GRM8: variants seen among roughly 807,000 people sequenced by gnomAD.
The protein encoded by GRM8 is glutamate metabotropic receptor 8, also known as metabotropic glutamate receptor 8.
Under a neutral mutation model 87.2 loss-of-function variants are expected in GRM8, and 47 were observed. The ratio of observed to expected loss-of-function variants is 0.54; its 90% CI spans 0.43 to 0.69. The LOEUF is 0.69. Among genes scored for constraint, GRM8 ranks in the 30% least tolerant of loss-of-function variants. The pLI is 0.00. For synonymous variants in GRM8, 396 were observed against 404.5 expected (o/e 0.98, Z 0.25); for missense variants, 1,019 against 1,139.2 (o/e 0.89, Z 1.52).
At chr7:126,686,303 A>G (rs552147181) in intron 7 of GRM8, among the ~76,000 whole-genome samples, 1 of 152,264 alleles carries the variant, frequency 6.6e-6, no homozygotes, top group Non-Finnish European at 1.5e-5. Flanking sequence ...GACTCAGGAC[A>G]AGACCTTGGT....
chr7:126,622,506 C>T (rs765639861), intron 7 of GRM8, among the ~76,000 whole-genome samples: 1 of 152,110 alleles, frequency 6.6e-6, no homozygotes, highest in Non-Finnish European at 1.5e-5. Context: ...AAATCTACCG[C>T]CTACCTGTAT....
intron 3 of GRM8, among the ~76,000 whole-genome samples, chr7:126,913,711 A>G (rs1051327932): frequency 2.0e-5 from 3 of 152,172 alleles, no homozygotes; most frequent in African/African-American, 4.8e-5. Context: ...GTTGAGTAAA[A>G]TTTGTTCTAT....
intron 6 of GRM8, among the ~76,000 whole-genome samples, chr7:126,858,818 C>T (rs1211277629): frequency 6.6e-6 from 1 of 152,214 alleles, no homozygotes; most frequent in Admixed American, 6.5e-5. Context: ...TCTAGATTCA[C>T]AAATAAAGCC....
At chr7:126,875,077 G>A (rs1018917252) in intron 6 of GRM8, among the ~76,000 whole-genome samples, 8 of 152,068 alleles carry the variant, frequency 5.3e-5, no homozygotes, top group African/African-American at 1.9e-4. Context: ...CTATAAATCA[G>A]CACCTTTCAA....
At chr7:126,737,138 C>A (rs1814326939) in intron 7 of GRM8, among the ~76,000 whole-genome samples, 1 of 152,012 alleles carries the variant, frequency 6.6e-6, no homozygotes, top group Non-Finnish European at 1.5e-5. Context: ...CAGCTGGAGA[C>A]TACAAGATTC....
At chr7:126,513,162 G>A (rs1412122292) in intron 9 of GRM8, among the ~76,000 whole-genome samples, 5 of 152,042 alleles carry the variant, frequency 3.3e-5, no homozygotes, top group African/African-American at 1.2e-4. Flanking sequence ...TTGTACCAAA[G>A]TCTGTCAATT....
At chr7:126,904,368 T>C (rs1008274) in intron 4 of GRM8, among the ~76,000 whole-genome samples, 180 bp downstream of exon 4, 83,971 of 151,988 alleles carry the variant, frequency 0.55, 23,487 homozygotes, top group East Asian at 0.69. Flanking sequence ...CTATCACCTT[T>C]GTTTGTCTTA....
chr7:127,036,026 C>T (rs539663559), intron 3 of GRM8, among the ~76,000 whole-genome samples: 3 of 152,094 alleles, frequency 2.0e-5, no homozygotes, highest in Non-Finnish European at 4.4e-5. Flanking sequence ...AGTATTATTG[C>T]GTTTCACTCG....
intron 3 of GRM8, among the ~76,000 whole-genome samples, chr7:127,055,940 T>A (rs918435632): frequency 6.6e-6 from 1 of 152,150 alleles, no homozygotes; most frequent in African/African-American, 2.4e-5. Context: ...TACAAATAAA[T>A]CTTCCCAATT....
chr7:127,047,018 G>T (rs945822871), intron 3 of GRM8, among the ~76,000 whole-genome samples: 1 of 152,194 alleles, frequency 6.6e-6, no homozygotes, highest in Non-Finnish European at 1.5e-5. Flanking sequence ...GAAGGCATTT[G>T]ATTTTCTCTA....
At chr7:127,151,982 C>T (rs143493862) in intron 2 of GRM8, among the ~76,000 whole-genome samples, 2 of 152,130 alleles carry the variant, frequency 1.3e-5, no homozygotes, top group East Asian at 1.9e-4. Context: ...AAGTTACTTA[C>T]GATTTCTCAC....
At chr7:127,118,548 A>G (rs535539132) in intron 2 of GRM8, among the ~76,000 whole-genome samples, 3 of 152,240 alleles carry the variant, frequency 2.0e-5, no homozygotes, top group Non-Finnish European at 2.9e-5. Flanking sequence ...ACATGTGTAC[A>G]TGTTCATTTT....
At chr7:126,642,066 C>A (rs902376282) in intron 7 of GRM8, among the ~76,000 whole-genome samples, 5 of 152,258 alleles carry the variant, frequency 3.3e-5, no homozygotes, top group African/African-American at 1.2e-4. Flanking sequence ...GCACTAGCAT[C>A]GTCTGTCATA....
intron 6 of GRM8, among the ~76,000 whole-genome samples, chr7:126,801,552 GTGGCTGGTATTT>G (rs1822700759): frequency 8.7e-5 from 6 of 68,966 alleles, no homozygotes; most frequent in Admixed American, 3.3e-4. Context: ...GTATTACTAT[GTGGCTGGTATTT>G]AATAGCTTAT....
intron 9 of GRM8, chr7:126,465,308 T>A (rs1804361093): frequency 6.6e-6 from 1 of 150,754 alleles, no homozygotes; most frequent in Admixed American, 6.7e-5. Context: ...TCCTGTATAA[T>A]TCCATAAAAA....
At chr7:126,633,556 T>C (rs1373398672) in intron 7 of GRM8, among the ~76,000 whole-genome samples, 1 of 152,158 alleles carries the variant, frequency 6.6e-6, no homozygotes. Context: ...ACAATTGTTG[T>C]GCTAAAACAA....
At chr7:126,849,272 A>G (rs1283287498) in intron 6 of GRM8, among the ~76,000 whole-genome samples, 1 of 152,192 alleles carries the variant, frequency 6.6e-6, no homozygotes, top group African/African-American at 2.4e-5. Flanking sequence ...TCTAGTTTTG[A>G]TGAGAAAGCA....
intron 2 of GRM8, among the ~76,000 whole-genome samples, chr7:127,169,603 T>C (rs994668589): frequency 3.3e-5 from 5 of 151,810 alleles, no homozygotes; most frequent in African/African-American, 1.2e-4. Context: ...TGGAAGAAGA[T>C]TCCATCCAGG....
chr7:126,988,090 C>A lies in GRM8; in HGVS notation c.728-83407G>T, dbSNP rs534869128. On this transcript the variant is annotated intron_variant, in intron 3 of 10. Transcript: ENST00000339582. ...CTCTTCGTTTAAAAAAAAAAAATGA[C>A]AACACAGATGCACTGAGCTTTTCAA... Among the ~76,000 whole-genome samples, 8 of 151,580 alleles carry A rather than the reference C, an allele frequency of 5.3e-5. 1 individual carries two copies. In the South Asian group the frequency reaches 1.7e-3, roughly 32 times the overall value.
Sources: gnomAD v4.1 joint callset for allele counts (sites outside exome capture counted in the v4.1 genomes callset) on GRCh38, gnomAD v4.1.1 for gene constraint, MANE v1.5 for transcripts, NCBI Gene and HGNC (gene_info 2026-07-23, HGNC 2026-07-21) for gene names.